The following WWOX variants were observed in gnomAD, a reference collection of about 807,000 sequenced individuals.
WWOX encodes the protein WW domain containing oxidoreductase, also known as WW domain-containing oxidoreductase.
A neutral mutation model predicts 46.2 loss-of-function variants in WWOX; 69 were observed. That is an observed-to-expected ratio of 1.49 (90% CI 1.23 to 1.82). WWOX has a LOEUF of 1.82. WWOX is among the 40% of genes most tolerant of loss of function. The probability of loss-of-function intolerance (pLI) is 0.00; values close to 1 mark genes in which losing one functional copy is unlikely to be tolerated. For synonymous variants in WWOX, 359 were observed against 202.6 expected (o/e 1.77, Z -6.56); for missense variants, 919 against 542.6 (o/e 1.69, Z -6.89).
At chr16:78,908,952 C>A (rs1217500277) in intron 8 of WWOX, among the ~76,000 whole-genome samples, 1 of 152,230 alleles carries the variant, frequency 6.6e-6, no homozygotes, top group Non-Finnish European at 1.5e-5. Flanking sequence ...AATTTCTAAT[C>A]TTGTGGCTAA....
chr16:78,121,567 G>A (rs796916316), intron 4 of WWOX, among the ~76,000 whole-genome samples: 28 of 152,130 alleles, frequency 1.8e-4, no homozygotes, highest in African/African-American at 6.3e-4. Context: ...GTAATCTCAT[G>A]TAAAATGCTT....
chr16:79,022,885 A>T (rs1443813475), intron 8 of WWOX, among the ~76,000 whole-genome samples: 1 of 152,184 alleles, frequency 6.6e-6, no homozygotes, highest in Non-Finnish European at 1.5e-5. Flanking sequence ...ACCTTTCTGC[A>T]GGTTACTTCT....
chr16:78,905,153 G>T (rs540271803), intron 8 of WWOX, among the ~76,000 whole-genome samples: 417 of 152,282 alleles, frequency 2.7e-3, no homozygotes, highest in Non-Finnish European at 4.6e-3. Context: ...CCCTCTATGA[G>T]GGGTTATACC....
chr16:78,699,313 C>T (rs973421843), intron 8 of WWOX, among the ~76,000 whole-genome samples: 5 of 151,172 alleles, frequency 3.3e-5, no homozygotes, highest in African/African-American at 4.9e-5. Context: ...GTGGGTGGAT[C>T]GCTTGAGCTG....
intron 8 of WWOX, among the ~76,000 whole-genome samples, chr16:79,093,314 G>A (rs549521000): frequency 3.3e-5 from 5 of 152,252 alleles, no homozygotes; most frequent in East Asian, 1.9e-4. Context: ...CAGTAGTTGC[G>A]TTTAGGGGAT....
At chr16:78,191,585 G>C (rs2151764191) in intron 5 of WWOX, among the ~76,000 whole-genome samples, 1 of 152,194 alleles carries the variant, frequency 6.6e-6, no homozygotes, top group East Asian at 1.9e-4. Context: ...CTTTTTATGA[G>C]TTTCGGTCTT....
At chr16:78,818,034 G>T (rs2051387208) in intron 8 of WWOX, among the ~76,000 whole-genome samples, 1 of 152,174 alleles carries the variant, frequency 6.6e-6, no homozygotes, top group Non-Finnish European at 1.5e-5. Context: ...ATGGAGTCCA[G>T]CAAGGGTCTC....
intron 8 of WWOX, among the ~76,000 whole-genome samples, chr16:78,906,133 T>G (rs2044957311): frequency 6.6e-6 from 1 of 152,194 alleles, no homozygotes. Flanking sequence ...CATGGAAGTC[T>G]GTAAACCCAA....
chr16:78,651,833 T>C (rs1450399104), intron 8 of WWOX, among the ~76,000 whole-genome samples: 1 of 152,228 alleles, frequency 6.6e-6, no homozygotes, highest in South Asian at 2.1e-4. Flanking sequence ...GTTGGACTCA[T>C]GCCTTATTCT....
At chr16:79,208,179 C>G (rs1597481062) in intron 8 of WWOX, among the ~76,000 whole-genome samples, 1 of 152,196 alleles carries the variant, frequency 6.6e-6, no homozygotes, top group Non-Finnish European at 1.5e-5. Flanking sequence ...CAGTTCTCCT[C>G]TGGCAGCTCA....
At chr16:78,738,226 A>G (rs2049134425) in intron 8 of WWOX, among the ~76,000 whole-genome samples, 1 of 152,230 alleles carries the variant, frequency 6.6e-6, no homozygotes, top group African/African-American at 2.4e-5. Context: ...TTAAGATTTC[A>G]GTAGCTGCTG....
chr16:79,164,609 A>G (rs2050555039), intron 8 of WWOX, among the ~76,000 whole-genome samples: 1 of 152,204 alleles, frequency 6.6e-6, no homozygotes, highest in Non-Finnish European at 1.5e-5. Flanking sequence ...CTGACACCAA[A>G]GGTGACTCCC....
chr16:79,001,940 A>G lies in WWOX; in HGVS notation c.1057-209668A>G, dbSNP rs897226961. Among the ~76,000 whole-genome samples the G allele has an allele frequency of 9.6e-4, 146 of 152,158 alleles. 1 individual carries two copies. The highest frequency in any genetic ancestry group is 3.1e-4 in the Non-Finnish European group (21 of 68,014). ...AGTCCATAGTGAGACTGGAGGGAAG[A>G]AAAAAAGATGTAAGCTTTTATTAAA... On this transcript the variant is annotated intron_variant, in intron 8 of 8. Transcript: ENST00000566780.
At chr16:78,632,486 C>G (rs1026457413) in intron 8 of WWOX, among the ~76,000 whole-genome samples, 3 of 149,950 alleles carry the variant, frequency 2.0e-5, no homozygotes, top group South Asian at 4.2e-4. Context: ...GAGAAACGAG[C>G]AAGGTGTTGA....
chr16:78,935,185 A>G (rs2045709862), intron 8 of WWOX, among the ~76,000 whole-genome samples: 1 of 152,200 alleles, frequency 6.6e-6, no homozygotes, highest in South Asian at 2.1e-4. Flanking sequence ...CCATTGTGGA[A>G]GACATTGTGG....
At chr16:78,905,733 T>C (rs1174558630) in intron 8 of WWOX, among the ~76,000 whole-genome samples, 1 of 152,186 alleles carries the variant, frequency 6.6e-6, no homozygotes, top group Non-Finnish European at 1.5e-5. Flanking sequence ...TTTTATGATA[T>C]GAGCCGATCA....
chr16:79,177,864 C>T (rs2050832418), intron 8 of WWOX, among the ~76,000 whole-genome samples: 1 of 152,116 alleles, frequency 6.6e-6, no homozygotes, highest in African/African-American at 2.4e-5. Context: ...TAACAGATAC[C>T]ATAAACTAGG....
At chr16:78,864,754 CTTTTTTTTTTTTTTTT>C (rs57606576) in intron 8 of WWOX, among the ~76,000 whole-genome samples, 4 of 87,156 alleles carry the variant, frequency 4.6e-5, no homozygotes, top group Non-Finnish European at 6.6e-5. Flanking sequence ...TCTCCAACTC[CTTTTTTTTTTTTTTTT>C]TTTTTTTTTT....
At chr16:79,112,748 G>T (rs1316921209) in intron 8 of WWOX, among the ~76,000 whole-genome samples, 1 of 152,096 alleles carries the variant, frequency 6.6e-6, no homozygotes, top group East Asian at 1.9e-4. Flanking sequence ...TAGAATTTTA[G>T]AGCTGGAAGA....
Sources: allele counts gnomAD v4.1 joint callset (sites outside exome capture counted in the v4.1 genomes callset), GRCh38; gene constraint gnomAD v4.1.1; transcripts MANE v1.5; gene names NCBI Gene and HGNC (gene_info 2026-07-23, HGNC 2026-07-21).